BLOC1S5: variants seen among roughly 807,000 people sequenced by gnomAD.
The protein encoded by BLOC1S5 is biogenesis of lysosome-related organelles complex 1 subunit 5.
In BLOC1S5, 27 loss-of-function variants were observed where a neutral mutation model predicts 24.3. That is an observed-to-expected ratio of 1.11 (90% CI 0.82 to 1.53). The LOEUF is 1.53. BLOC1S5 is among the 40% of genes most tolerant of loss of function. BLOC1S5 has a pLI of 0.00. For missense variants in BLOC1S5, 239 were observed against 229.4 expected (o/e 1.04, Z -0.27); for synonymous variants, 84 against 74.5 (o/e 1.13, Z -0.66).
At chr6:8,064,134 C>T in intron 1 of BLOC1S5, 131 bp downstream of exon 1, 2 of 672,408 alleles carry the variant, frequency 3.0e-6, no homozygotes, top group Middle Eastern at 2.9e-4. Flanking sequence ...GGACCGACCA[C>T]GACTCCCCCA....
At chr6:8,041,393 A>ACCT in intron 2 of BLOC1S5, 125 bp from the exon 3 acceptor site, 1 of 890,412 alleles carries the variant, frequency 1.1e-6, no homozygotes, top group Non-Finnish European at 1.6e-6. Context: ...GCTCACTGCA[A>ACCT]CCTCCGCCTC....
chr6:8,018,967 G>A (rs536458286), intron 4 of BLOC1S5, among the ~76,000 whole-genome samples: 1 of 152,246 alleles, frequency 6.6e-6, no homozygotes, highest in East Asian at 1.9e-4. Context: ...TAACCATTTG[G>A]CTACAAGAAC....
At chr6:8,032,339 G>T (rs1179521913) in intron 3 of BLOC1S5, among the ~76,000 whole-genome samples, 1 of 151,956 alleles carries the variant, frequency 6.6e-6, no homozygotes, top group African/African-American at 2.4e-5. Flanking sequence ...TATACAAATG[G>T]CCAACAAACA....
At chr6:8,046,418 A>C (rs1763902211) in intron 2 of BLOC1S5, among the ~76,000 whole-genome samples, 1 of 152,168 alleles carries the variant, frequency 6.6e-6, no homozygotes, top group Non-Finnish European at 1.5e-5. Context: ...TTTTTCTACA[A>C]ATCTAAAATT....
At chr6:8,047,593 A>T (rs1581424568) in intron 2 of BLOC1S5, among the ~76,000 whole-genome samples, 1 of 152,306 alleles carries the variant, frequency 6.6e-6, no homozygotes, top group African/African-American at 2.4e-5. Flanking sequence ...TTTAACCAAT[A>T]GATTTCCCCT....
chr6:8,047,283 C>G (rs1204033123), intron 2 of BLOC1S5, among the ~76,000 whole-genome samples: 1 of 151,566 alleles, frequency 6.6e-6, no homozygotes, highest in South Asian at 2.1e-4. Flanking sequence ...TCTTGGCTCA[C>G]TGCAACCTCT....
chr6:8,032,452 A>T lies in BLOC1S5; in HGVS notation c.326-6027T>A, dbSNP rs190099565. On this transcript the variant is annotated intron_variant, in intron 3 of 4. Transcript: ENST00000397457. ...AGAATGGCCATAATTTAAAAAATTT[A>T]AAAAAAAATTGATGGAATGTATCTC... Among the ~76,000 whole-genome samples, 152 of 151,380 alleles carry T rather than the reference A, an allele frequency of 1.0e-3. 2 individuals carry two copies. Among genetic ancestry groups the T allele is most frequent in the East Asian group, 6.8e-3 (35 of 5,184 alleles).
intron 3 of BLOC1S5, among the ~76,000 whole-genome samples, chr6:8,035,328 C>G (rs565327072): frequency 7.3e-6 from 1 of 137,914 alleles, no homozygotes; most frequent in Admixed American, 7.8e-5. Context: ...TTAAAATTTT[C>G]AAAAAGGAAT....
chr6:8,055,260 C>A (rs1355548450), intron 2 of BLOC1S5, among the ~76,000 whole-genome samples: 1 of 152,102 alleles, frequency 6.6e-6, no homozygotes, highest in East Asian at 1.9e-4. Context: ...GTGGTGAAAC[C>A]CTGTCTCTAT....
At chr6:8,033,191 C>T (rs1321120895) in intron 3 of BLOC1S5, among the ~76,000 whole-genome samples, 2 of 152,118 alleles carry the variant, frequency 1.3e-5, no homozygotes. Context: ...GCAAAAAGAA[C>T]AAAGCTGGAG....
At position 8,064,290 on chromosome 6, in the gene BLOC1S5, C is replaced by T. The variant is rs567156344; in HGVS notation, c.87G>A (p.Ala29=). Residue 29 remains alanine (A), a synonymous_variant, in exon 1 of 5, where the codon GCG becomes GCA. Coordinates refer to ENST00000397457, the MANE Select transcript of BLOC1S5 (RefSeq NM_201280.3). ...GSKKRDSLGT[A]GSAHLIIKDL... ...CCTTGATAATGAGGTGCGCTGAGCC[C>T]GCAGTCCCCAGGGAGTCCCTCTTCT... The T allele has an allele frequency of 3.8e-5, 61 of 1,613,794 alleles. No individual in the cohort carries two copies. In the South Asian group the frequency reaches 5.5e-4, roughly 15 times the overall value.
At chr6:8,054,853 C>T (rs1379016393) in intron 2 of BLOC1S5, among the ~76,000 whole-genome samples, 1 of 152,142 alleles carries the variant, frequency 6.6e-6, no homozygotes, top group African/African-American at 2.4e-5. Context: ...TCTATTACAT[C>T]GCTTTGGTCT....
At chr6:8,044,342 G>A (rs1763799409) in intron 2 of BLOC1S5, among the ~76,000 whole-genome samples, 1 of 151,120 alleles carries the variant, frequency 6.6e-6, no homozygotes, top group African/African-American at 2.4e-5. Flanking sequence ...TGATTCTGAG[G>A]CCTCCCCACC....
chr6:8,049,063 A>C (rs1320677334), intron 2 of BLOC1S5, among the ~76,000 whole-genome samples: 2 of 16,362 alleles, frequency 1.2e-4, no homozygotes, highest in African/African-American at 2.0e-4. Flanking sequence ...AGAGGAAGGG[A>C]GGGGAGGGGA....
chr6:8,034,163 T>G (rs1180968328), intron 3 of BLOC1S5, among the ~76,000 whole-genome samples: 3 of 152,178 alleles, frequency 2.0e-5, no homozygotes, highest in African/African-American at 7.2e-5. Flanking sequence ...CATGCTACTA[T>G]AAAGACATAT....
Position 8,039,350 on chromosome 6 carries a change from G to A in BLOC1S5, c.325+1789C>T, listed in dbSNP as rs192334981. Among the ~76,000 whole-genome samples the A allele has an allele frequency of 3.9e-3, 590 of 152,246 alleles. 6 individuals carry two copies. Among genetic ancestry groups the A allele is most frequent in the South Asian group, 5.0e-3 (24 of 4,822 alleles). On this transcript the variant is annotated intron_variant, in intron 3 of 4. Coordinates refer to ENST00000397457, the MANE Select transcript of BLOC1S5 (RefSeq NM_201280.3). ...ATGGATATAAATATATGGTCTGATGGAAGAAATAAGACCTAGTATTTGATA... is the reference window on the plus strand; with the variant it reads ...ATGGATATAAATATATGGTCTGATGAAAGAAATAAGACCTAGTATTTGATA...
At chr6:8,055,461 TTA>T (rs993291773) in intron 2 of BLOC1S5, among the ~76,000 whole-genome samples, 5 of 152,076 alleles carry the variant, frequency 3.3e-5, no homozygotes, top group African/African-American at 1.2e-4. Flanking sequence ...AAATACTAGG[TTA>T]TAGTTCTATT....
intron 2 of BLOC1S5, among the ~76,000 whole-genome samples, chr6:8,056,479 A>T (rs1434546889): frequency 2.0e-5 from 3 of 152,204 alleles, no homozygotes; most frequent in Non-Finnish European, 4.4e-5. Flanking sequence ...GGGAAAAAAA[A>T]CAAAACATAA....
intron 2 of BLOC1S5, among the ~76,000 whole-genome samples, chr6:8,058,356 T>TAA (rs1764388124): frequency 3.3e-5 from 1 of 30,300 alleles, no homozygotes; most frequent in Non-Finnish European, 5.9e-5. Context: ...CCTGTCTCTA[T>TAA]GAAAAAAAAA....
Sources: gnomAD v4.1 joint callset for allele counts (sites outside exome capture counted in the v4.1 genomes callset) on GRCh38, gnomAD v4.1.1 for gene constraint, MANE v1.5 for transcripts, NCBI Gene and HGNC (gene_info 2026-07-23, HGNC 2026-07-21) for gene names.